CACHD1: variants seen among roughly 807,000 people sequenced by gnomAD.
CACHD1 encodes VWFA and cache domain-containing protein 1.
CACHD1 carries 71 observed loss-of-function variants against 138.7 expected under a neutral mutation model. The observed-to-expected ratio is 0.51, with a 90% CI of 0.42 to 0.62. The LOEUF (loss-of-function observed/expected upper bound fraction) is 0.62, where lower values mean the gene tolerates loss of function less well. CACHD1 is among the 20% of genes least tolerant of loss of function. The probability of loss-of-function intolerance (pLI) is 0.00; values close to 1 mark genes in which losing one functional copy is unlikely to be tolerated. For synonymous variants in CACHD1, 578 were observed against 591.5 expected (o/e 0.98, Z 0.33); for missense variants, 1,389 against 1,625.3 (o/e 0.85, Z 2.50).
At chr1:64,523,812 C>T (rs1646516121) in intron 1 of CACHD1, among the ~76,000 whole-genome samples, 1 of 92,806 alleles carries the variant, frequency 1.1e-5, no homozygotes, top group Admixed American at 1.3e-4. Flanking sequence ...CACTTGGGGT[C>T]GAACGATATT....
chr1:64,547,656 C>T (rs904033333), intron 1 of CACHD1, among the ~76,000 whole-genome samples: 2 of 152,230 alleles, frequency 1.3e-5, no homozygotes, highest in East Asian at 1.9e-4. Context: ...CATGAGCCAC[C>T]GCACCCAGCC....
rs997310405 is a variant in CACHD1 at position 64,648,084 on chromosome 1, G to A, written c.1390+50G>A. The A allele has an allele frequency of 2.2e-6, 3 of 1,376,126 alleles. No individual in the cohort carries two copies. The African/African-American group carries it at 4.3e-5, about 20-fold the overall frequency. The allele number at this position is 1,376,126 out of a possible 1,614,324, so 85.2% of individuals were successfully genotyped here. On this transcript the variant is annotated intron_variant, in intron 9 of 26. Transcript: ENST00000651257. ...AAAGGAAGGGGAAAAGAACTGGGCA[G>A]ATAGAAATGGCACCTCTTTCTCAGG...
chr1:64,648,918 T>C (rs1332822171), intron 9 of CACHD1, among the ~76,000 whole-genome samples: 1 of 152,222 alleles, frequency 6.6e-6, no homozygotes, highest in Non-Finnish European at 1.5e-5. Context: ...ACAATCTTTT[T>C]CTTTTCCTCC....
At chr1:64,648,596 A>G (rs1002614853) in intron 9 of CACHD1, among the ~76,000 whole-genome samples, 1 of 152,200 alleles carries the variant, frequency 6.6e-6, no homozygotes, top group South Asian at 2.1e-4. Context: ...ATGATAACAC[A>G]TGACCGGCAT....
chr1:64,643,786 C>T (rs572530396), intron 8 of CACHD1, among the ~76,000 whole-genome samples: 36 of 152,170 alleles, frequency 2.4e-4, no homozygotes, highest in Admixed American at 4.6e-4. Context: ...TGCAGTGAGC[C>T]GAGATTGCAC....
intron 1 of CACHD1, among the ~76,000 whole-genome samples, chr1:64,529,505 C>T (rs1327325673): frequency 1.3e-5 from 2 of 152,222 alleles, no homozygotes; most frequent in African/African-American, 2.4e-5. Flanking sequence ...TCATCATCTT[C>T]TTCTAGTCTT....
At chr1:64,586,624 C>G (rs569368084) in intron 3 of CACHD1, among the ~76,000 whole-genome samples, 9 of 152,112 alleles carry the variant, frequency 5.9e-5, no homozygotes, top group African/African-American at 2.2e-4. Flanking sequence ...AATGAGAGTA[C>G]CCACCTCACA....
intron 2 of CACHD1, among the ~76,000 whole-genome samples, chr1:64,553,177 A>G (rs1044979921): frequency 6.6e-5 from 10 of 152,260 alleles, no homozygotes; most frequent in Admixed American, 2.0e-4. Flanking sequence ...TATTACAACA[A>G]CATAACAATA....
At chr1:64,682,204 C>T (rs1650215547) in intron 26 of CACHD1, 98 bp downstream of exon 26, 5 of 1,039,248 alleles carry the variant, frequency 4.8e-6, no homozygotes, top group Non-Finnish European at 7.4e-6. Context: ...TCCAAAAAGA[C>T]ACACCCCAGC....
chr1:64,604,827 A>G (rs563746756), intron 4 of CACHD1, among the ~76,000 whole-genome samples: 68 of 150,800 alleles, frequency 4.5e-4, no homozygotes, highest in African/African-American at 1.6e-3. Flanking sequence ...TAATTTTTGT[A>G]TTTTTTGTGG....
chr1:64,538,956 C>G (rs1298627722), intron 1 of CACHD1, among the ~76,000 whole-genome samples: 1 of 152,192 alleles, frequency 6.6e-6, no homozygotes, highest in Non-Finnish European at 1.5e-5. Context: ...CAGTCTCATT[C>G]TCCAACACTA....
intron 1 of CACHD1, among the ~76,000 whole-genome samples, chr1:64,527,948 G>C (rs774469469): frequency 1.3e-5 from 2 of 152,180 alleles, no homozygotes; most frequent in Non-Finnish European, 2.9e-5. Flanking sequence ...CACTGTTTCT[G>C]CTGCTGCTAA....
chr1:64,673,131 T>C (rs1404701624), intron 17 of CACHD1, 27 bp from the exon 18 acceptor site: 3 of 1,515,736 alleles, frequency 2.0e-6, no homozygotes, highest in Admixed American at 1.8e-5. Context: ...CTGATATGAA[T>C]GAGGGGCATA....
intron 8 of CACHD1, among the ~76,000 whole-genome samples, chr1:64,643,247 T>C (rs1648786848): frequency 6.6e-6 from 1 of 151,896 alleles, no homozygotes; most frequent in African/African-American, 2.4e-5. Flanking sequence ...GCTCTCAGAT[T>C]CTTATTCAGA....
chr1:64,559,055 A>G (rs575031932), intron 2 of CACHD1, among the ~76,000 whole-genome samples: 1 of 152,328 alleles, frequency 6.6e-6, no homozygotes, highest in Non-Finnish European at 1.5e-5. Flanking sequence ...GTGGGAGTGT[A>G]AATTAGTTCA....
At chr1:64,608,154 A>C (rs1186604484) in intron 4 of CACHD1, among the ~76,000 whole-genome samples, 2 of 152,150 alleles carry the variant, frequency 1.3e-5, no homozygotes. Context: ...ACACAGCTAG[A>C]TTTACAAGCA....
At position 64,670,890 on chromosome 1, in the gene CACHD1, C is replaced by T. The variant is rs79367366; in HGVS notation, c.2388-674C>T. 9.7e-3 allele frequency among the ~76,000 whole-genome samples: 1,482 copies of T among 152,312 alleles called. 12 individuals are homozygous for T. The highest frequency in any genetic ancestry group is 0.015 in the Non-Finnish European group (1,015 of 68,028). ...AAGCAACAGGGCCAAGATTTGACTT[C>T]AGATCTGCTGATTCCAGAGCCAAAC... On this transcript the variant is annotated intron_variant, in intron 16 of 26. Coordinates refer to ENST00000651257, the MANE Select transcript of CACHD1 (RefSeq NM_020925.4).
intron 26 of CACHD1, among the ~76,000 whole-genome samples, chr1:64,686,223 A>G (rs1355701152): frequency 6.6e-6 from 1 of 152,196 alleles, no homozygotes; most frequent in East Asian, 1.9e-4. Context: ...TGAGTGTGTT[A>G]CACAAAAGGA....
At chr1:64,567,585 G>A (rs1646892590) in intron 2 of CACHD1, among the ~76,000 whole-genome samples, 1 of 152,078 alleles carries the variant, frequency 6.6e-6, no homozygotes, top group Non-Finnish European at 1.5e-5. Context: ...GAGACATTAA[G>A]TAATTTCCTA....
Sources: gnomAD v4.1 joint callset for allele counts (sites outside exome capture counted in the v4.1 genomes callset) on GRCh38, gnomAD v4.1.1 for gene constraint, MANE v1.5 for transcripts, NCBI Gene and HGNC (gene_info 2026-07-23, HGNC 2026-07-21) for gene names.